Variants in MIR2052HG observed in about 807,000 individuals in gnomAD.
MIR2052HG encodes the protein MIR2052 host gene.
At chr8:74,666,269 T>C (rs887750303) in intron 2 of MIR2052HG, among the ~76,000 whole-genome samples, 5 of 152,174 alleles carry the variant, frequency 3.3e-5, no homozygotes, top group Non-Finnish European at 5.9e-5. Context: ...TTAAAAGAGA[T>C]AAAATCACAT....
chr8:74,686,513 T>G (rs568973420), intron 2 of MIR2052HG, among the ~76,000 whole-genome samples: 1 of 152,082 alleles, frequency 6.6e-6, no homozygotes, highest in African/African-American at 2.4e-5. Flanking sequence ...TGCCCCAAAA[T>G]ACAGAAAAAG....
chr8:74,671,697 T>C (rs1331036268), intron 2 of MIR2052HG, among the ~76,000 whole-genome samples: 1 of 152,176 alleles, frequency 6.6e-6, no homozygotes, highest in Non-Finnish European at 1.5e-5. Flanking sequence ...GTGTGCTTTG[T>C]GGTGGTTGAG....
chr8:74,684,842 C>T, intron 2 of MIR2052HG, among the ~76,000 whole-genome samples: 1 of 152,098 alleles, frequency 6.6e-6, no homozygotes, highest in East Asian at 1.9e-4. Flanking sequence ...AAAACATTTT[C>T]TCCAGCTATG....
chr8:74,605,607 C>T (rs1808099465), intron 1 of MIR2052HG, among the ~76,000 whole-genome samples: 1 of 152,068 alleles, frequency 6.6e-6, no homozygotes, highest in South Asian at 2.1e-4. Context: ...TTTTGGGGAA[C>T]CACGATGAGG....
intron 1 of MIR2052HG, chr8:74,603,727 C>A: frequency 1.1e-6 from 1 of 884,000 alleles, no homozygotes; most frequent in Non-Finnish European, 2.0e-6. Context: ...GATGGTCACG[C>A]CCTTCGGGGG....
chr8:74,612,900 C>T (rs1428632720), exon 2 of MIR2052HG: 2 of 456,126 alleles, frequency 4.4e-6, no homozygotes, highest in South Asian at 3.1e-5. Context: ...AGCTTTGGAG[C>T]AAGTGGAGAG....
rs571904396 is a variant in MIR2052HG, at chr8:74,617,124, G to A, written n.216+4184G>A. On this transcript the variant is annotated intron_variant and non_coding_transcript_variant, in intron 2 of 6. Coordinates refer to ENST00000523442, the Ensembl canonical transcript of MIR2052HG. ...TAATTTTTAATATATAGGAGTACAA[G>A]TATGGATTTCTTACATACATATATC... Among the ~76,000 whole-genome samples, 6 of 152,194 alleles carry A rather than the reference G, an allele frequency of 3.9e-5. No homozygotes were observed. In the South Asian group the frequency reaches 1.0e-3, roughly 26 times the overall value.
chr8:74,618,774 G>A (rs1808320136), intron 2 of MIR2052HG, among the ~76,000 whole-genome samples: 1 of 152,156 alleles, frequency 6.6e-6, no homozygotes, highest in East Asian at 1.9e-4. Flanking sequence ...ATTCAACATA[G>A]TACTGGAGAT....
intron 5 of MIR2052HG, among the ~76,000 whole-genome samples, chr8:74,752,806 T>TAATAG (rs1410072208): frequency 1.3e-5 from 2 of 152,228 alleles, no homozygotes; most frequent in African/African-American, 4.8e-5. Context: ...AACTGAAGTT[T>TAATAG]AATAGAACAC....
At chr8:74,618,131 C>T (rs1808310835) in intron 2 of MIR2052HG, among the ~76,000 whole-genome samples, 1 of 152,152 alleles carries the variant, frequency 6.6e-6, no homozygotes, top group Admixed American at 6.5e-5. Flanking sequence ...CCCCCAATTC[C>T]ATCGCTTTAA....
intron 2 of MIR2052HG, among the ~76,000 whole-genome samples, chr8:74,638,594 T>A (rs557770870): frequency 2.2e-4 from 34 of 152,080 alleles, no homozygotes; most frequent in Non-Finnish European, 4.0e-4. Flanking sequence ...TGGGGAGTAG[T>A]GTGGATACAG....
At chr8:74,749,440 G>A (rs1425873396) in intron 4 of MIR2052HG, among the ~76,000 whole-genome samples, 2 of 151,716 alleles carry the variant, frequency 1.3e-5, no homozygotes, top group African/African-American at 2.4e-5. Context: ...TTTAGTTGAA[G>A]CAAAATTGTG....
At chr8:74,658,659 A>G (rs964436301) in intron 2 of MIR2052HG, among the ~76,000 whole-genome samples, 3 of 152,216 alleles carry the variant, frequency 2.0e-5, no homozygotes, top group African/African-American at 4.8e-5. Flanking sequence ...TGTTGGGATT[A>G]CAAGTGTGAA....
intron 4 of MIR2052HG, among the ~76,000 whole-genome samples, chr8:74,713,810 A>G (rs944377999): frequency 6.6e-5 from 10 of 152,178 alleles, no homozygotes; most frequent in Admixed American, 5.9e-4. Context: ...ATTTAAGATG[A>G]TTCTTATATG....
chr8:74,748,745 A>G (rs906132638), intron 4 of MIR2052HG, among the ~76,000 whole-genome samples: 2 of 152,160 alleles, frequency 1.3e-5, no homozygotes, highest in Admixed American at 6.5e-5. Context: ...TCCCAATTTC[A>G]GGGATAAAGG....
At chr8:74,647,854 A>T (rs1443729656) in intron 2 of MIR2052HG, among the ~76,000 whole-genome samples, 1 of 152,152 alleles carries the variant, frequency 6.6e-6, no homozygotes, top group Non-Finnish European at 1.5e-5. Context: ...AGGGACATTT[A>T]TCACTTCCCC....
chr8:74,638,057 T>A (rs1374288373), intron 2 of MIR2052HG, among the ~76,000 whole-genome samples: 5 of 152,052 alleles, frequency 3.3e-5, no homozygotes, highest in Non-Finnish European at 7.4e-5. Flanking sequence ...AACAAAAAAT[T>A]ATAGGGATAT....
chr8:74,646,785 G>T (rs775455414), intron 2 of MIR2052HG, among the ~76,000 whole-genome samples: 1 of 152,022 alleles, frequency 6.6e-6, no homozygotes, highest in Non-Finnish European at 1.5e-5. Flanking sequence ...AAAATTATCT[G>T]GGTGTGCTGG....
At chr8:74,756,877 A>G (rs1383371141) in intron 5 of MIR2052HG, 1 of 152,236 alleles carries the variant, frequency 6.6e-6, no homozygotes, top group African/African-American at 2.4e-5. Flanking sequence ...TTAAATAAAT[A>G]CTTACCATAT....
Sources: gnomAD v4.1 joint callset for allele counts (sites outside exome capture counted in the v4.1 genomes callset) on GRCh38, gnomAD v4.1.1 for gene constraint, MANE v1.5 for transcripts, NCBI Gene and HGNC (gene_info 2026-07-23, HGNC 2026-07-21) for gene names.